Variants in DGAT2 observed in about 807,000 individuals in gnomAD.
DGAT2 encodes acyl-CoA retinol O-fatty-acyltransferase.
A neutral mutation model predicts 48.4 loss-of-function variants in DGAT2; 33 were observed. The observed-to-expected ratio is 0.68, with a 90% CI of 0.52 to 0.91. The LOEUF is 0.91. Ranked by LOEUF, DGAT2 falls within the 40% of genes least tolerant of loss-of-function variation. DGAT2 has a pLI of 0.00. For missense variants in DGAT2, 446 were observed against 493.7 expected (o/e 0.90, Z 0.92); for synonymous variants, 191 against 194.1 (o/e 0.98, Z 0.13).
rs144285130 is a variant in DGAT2, at chr11:75,800,458, C to T, written c.1117C>T (p.His373Tyr). The T allele has an allele frequency of 1.9e-6, 3 of 1,614,206 alleles. No homozygotes were observed. Among genetic ancestry groups the T allele is most frequent in the Non-Finnish European group, 2.5e-6 (3 of 1,180,030 alleles). The change falls in exon 8 of 8, where the codon CAC (histidine) becomes TAC (tyrosine). Residue 373 changes from histidine to tyrosine, a missense_variant. His to Tyr is a moderately conservative substitution (Grantham distance 83). Transcript: ENST00000228027. ...GGCCCTGGTGAAGCTCTTCGACAAG[C>T]ACAAGACCAAGTTCGGCCTCCCGGA... ...MEALVKLFDKHKTKFGLPETE... is the reference protein window; with the variant it reads ...MEALVKLFDKYKTKFGLPETE...
intron 7 of DGAT2, among the ~76,000 whole-genome samples, chr11:75,799,911 C>G (rs1022803071): frequency 1.3e-5 from 2 of 152,172 alleles, no homozygotes; most frequent in Non-Finnish European, 2.9e-5. Flanking sequence ...AGCCACCACT[C>G]CTGGCCTACA....
chr11:75,777,688 T>C (rs573581354), intron 1 of DGAT2, among the ~76,000 whole-genome samples: 1 of 152,296 alleles, frequency 6.6e-6, no homozygotes, highest in African/African-American at 2.4e-5. Flanking sequence ...CAGGTTGGCA[T>C]GTCCCCTGCC....
chr11:75,788,852 C>T (rs1944952362), intron 2 of DGAT2, among the ~76,000 whole-genome samples: 1 of 152,166 alleles, frequency 6.6e-6, no homozygotes, highest in African/African-American at 2.4e-5. Flanking sequence ...AAGATGCCTC[C>T]CCACCCAGTG....
At chr11:75,781,975 A>C (rs1487892115) in intron 1 of DGAT2, among the ~76,000 whole-genome samples, 1 of 152,194 alleles carries the variant, frequency 6.6e-6, no homozygotes, top group East Asian at 1.9e-4. Flanking sequence ...ATATGTCATC[A>C]GTGAAATTTC....
At chr11:75,772,176 C>T (rs998919371) in intron 1 of DGAT2, among the ~76,000 whole-genome samples, 1 of 152,180 alleles carries the variant, frequency 6.6e-6, no homozygotes, top group Admixed American at 6.5e-5. Context: ...CGGGTGGCAG[C>T]TCATCCCTTC....
At chr11:75,783,212 G>T (rs533923579) in intron 1 of DGAT2, among the ~76,000 whole-genome samples, 1 of 152,288 alleles carries the variant, frequency 6.6e-6, no homozygotes, top group East Asian at 1.9e-4. Flanking sequence ...CTTGCCTGGG[G>T]TCACATAGTG....
rs750419321 is a variant in DGAT2 at position 75,790,311 on chromosome 11, C to A, written c.358+16C>A. The A allele has an allele frequency of 1.3e-6, 2 of 1,572,252 alleles. No individual in the cohort carries two copies. On this transcript the variant is annotated intron_variant, in intron 3 of 7. Transcript: ENST00000228027. ...CCCAAGAAAGGTAAGTGCAAGGCCT[C>A]CCTTGCCCCACCTCTCATTCTAGGG...
chr11:75,774,426 A>T (rs181741732), intron 1 of DGAT2, among the ~76,000 whole-genome samples: 4 of 152,250 alleles, frequency 2.6e-5, no homozygotes, highest in African/African-American at 9.6e-5. Flanking sequence ...GGGTAAATCA[A>T]TAGAAATGGG....
chr11:75,781,903 A>G (rs1944868539), intron 1 of DGAT2, among the ~76,000 whole-genome samples: 1 of 152,166 alleles, frequency 6.6e-6, no homozygotes, highest in Admixed American at 6.5e-5. Flanking sequence ...TAAGCTTAGC[A>G]GAGAGATTTG....
At chr11:75,796,279 G>C in intron 4 of DGAT2, 49 bp from the exon 5 acceptor site, 3 of 1,545,436 alleles carry the variant, frequency 1.9e-6, no homozygotes, top group Non-Finnish European at 2.7e-6. Flanking sequence ...GGTATGCCCC[G>C]GTATCCCTCT....
chr11:75,773,200 G>A (rs766233818), intron 1 of DGAT2, among the ~76,000 whole-genome samples: 12 of 152,226 alleles, frequency 7.9e-5, no homozygotes, highest in East Asian at 1.9e-4. Context: ...GTGATTCCTC[G>A]AGCCTTCCTT....
chr11:75,769,416 C>G (rs896040018), intron 1 of DGAT2, among the ~76,000 whole-genome samples: 14 of 152,220 alleles, frequency 9.2e-5, no homozygotes, highest in Middle Eastern at 3.4e-3. Flanking sequence ...GTAGAGCGAG[C>G]TTTGGCAGTG....
intron 4 of DGAT2, chr11:75,794,779 G>T (rs760576707): frequency 6.6e-6 from 1 of 152,144 alleles, no homozygotes; most frequent in Non-Finnish European, 1.5e-5. Flanking sequence ...TTGAAAAAGA[G>T]CATGTATATT....
rs1243431711 is a variant in DGAT2 at position 75,784,799 on chromosome 11, A to G, written c.250+53A>G. ...GTGGGCAGGCAGTGTCCACTTCCCC[A>G]AAAGAGGTAGAGCAGGAGCCCTGCT... On this transcript the variant is annotated intron_variant, in intron 2 of 7. Transcript: ENST00000228027. 33 of 1,610,686 alleles carry G rather than the reference A, an allele frequency of 2.0e-5. No individual in the cohort carries two copies. The East Asian group carries it at 4.7e-4, about 23-fold the overall frequency.
chr11:75,799,393 C>G (rs2077291725), intron 7 of DGAT2, among the ~76,000 whole-genome samples: 1 of 152,096 alleles, frequency 6.6e-6, no homozygotes, highest in East Asian at 1.9e-4. Context: ...GCCACGAGAC[C>G]AGCCCAGAGA....
rs138446924 is a variant in DGAT2, at chr11:75,770,085, A to G, written c.121+973A>G. ...ATCGACTATCCAAAGATACCTTCCTATTAGCATTTTAGTATATCTCTTGAT... is the reference window on the plus strand; with the variant it reads ...ATCGACTATCCAAAGATACCTTCCTGTTAGCATTTTAGTATATCTCTTGAT... On this transcript the variant is annotated intron_variant, in intron 1 of 7. Coordinates refer to ENST00000228027, the MANE Select transcript of DGAT2 (RefSeq NM_032564.5). 6.6e-4 allele frequency among the ~76,000 whole-genome samples: 100 copies of G among 152,338 alleles called. 1 individual carries two copies. In the East Asian group the frequency reaches 0.017, roughly 26 times the overall value.
At chr11:75,784,462 G>A in intron 1 of DGAT2, 156 bp from the exon 2 acceptor site, 1 of 950,662 alleles carries the variant, frequency 1.1e-6, no homozygotes, top group Non-Finnish European at 1.5e-6. Context: ...AAAGCCATGA[G>A]GTGGAGGGCT....
At chr11:75,799,144 A>T (rs1448902329) in intron 7 of DGAT2, among the ~76,000 whole-genome samples, 1 of 152,194 alleles carries the variant, frequency 6.6e-6, no homozygotes, top group East Asian at 1.9e-4. Context: ...TTGCGTTCCT[A>T]GGCCAGGTGT....
At chr11:75,789,745 A>G (rs1465746078) in intron 2 of DGAT2, among the ~76,000 whole-genome samples, 1 of 152,134 alleles carries the variant, frequency 6.6e-6, no homozygotes, top group Non-Finnish European at 1.5e-5. Context: ...GGGCAAAGTC[A>G]CCCTGCCTTA....
Sources: allele counts gnomAD v4.1 joint callset (sites outside exome capture counted in the v4.1 genomes callset), GRCh38; gene constraint gnomAD v4.1.1; transcripts MANE v1.5; gene names NCBI Gene and HGNC (gene_info 2026-07-23, HGNC 2026-07-21).